The following EYA2 variants were observed in gnomAD, a reference collection of about 807,000 sequenced individuals.
The protein encoded by EYA2 is EYA transcriptional coactivator and phosphatase 2.
Under a neutral mutation model 69.2 loss-of-function variants are expected in EYA2, and 31 were observed. That is an observed-to-expected ratio of 0.45 (90% CI 0.34 to 0.60). EYA2 has a LOEUF of 0.60. Among genes scored for constraint, EYA2 ranks in the 20% least tolerant of loss-of-function variants. The pLI is 0.02. For synonymous variants in EYA2, 257 were observed against 279.4 expected (o/e 0.92, Z 0.80); for missense variants, 622 against 701.2 (o/e 0.89, Z 1.28).
intron 9 of EYA2, among the ~76,000 whole-genome samples, chr20:47,135,009 C>T (rs1600733064): frequency 6.6e-6 from 1 of 151,836 alleles, no homozygotes; most frequent in Non-Finnish European, 1.5e-5. Flanking sequence ...CACCTGTAGT[C>T]CCAGCTACTT....
intron 5 of EYA2, among the ~76,000 whole-genome samples, chr20:47,036,598 G>A (rs1480478398): frequency 2.0e-5 from 3 of 152,156 alleles, no homozygotes; most frequent in Non-Finnish European, 4.4e-5. Context: ...AGGATATTTT[G>A]GGAAATGCAT....
rs369329409 is a variant in EYA2, at chr20:47,099,919, A to AG, written c.888+2754dup. Among the ~76,000 whole-genome samples the AG allele has an allele frequency of 1.3e-3, 198 of 152,308 alleles. 1 individual carries two copies. Among genetic ancestry groups the AG allele is most frequent in the African/African-American group, 4.7e-3 (194 of 41,564 alleles). The stretch of plus-strand genomic sequence containing the variant: ...ATTTCCCCAACCACGCGCAGTACAC[A>AG]GGGCAGAATTGCTCAATAAATATTT... On this transcript the variant is annotated intron_variant, in intron 9 of 15. Transcript: ENST00000327619.
chr20:47,125,521 A>T (rs542301604), intron 9 of EYA2, among the ~76,000 whole-genome samples: 21 of 152,220 alleles, frequency 1.4e-4, no homozygotes, highest in Non-Finnish European at 2.1e-4. Flanking sequence ...TCTAAAAAAA[A>T]TTTTTTTAAA....
intron 1 of EYA2, among the ~76,000 whole-genome samples, chr20:46,907,498 T>G (rs1437053750): frequency 6.6e-6 from 1 of 151,820 alleles, no homozygotes; most frequent in East Asian, 1.9e-4. Context: ...TCAAGACGAG[T>G]GAGGGATCTT....
At chr20:47,168,317 G>A (rs3091596) in intron 10 of EYA2, among the ~76,000 whole-genome samples, 21,166 of 151,804 alleles carry the variant, frequency 0.14, 1,524 homozygotes, top group Middle Eastern at 0.17. Flanking sequence ...TCAGCCTCCC[G>A]AGTAGCTGGG....
intron 1 of EYA2, among the ~76,000 whole-genome samples, chr20:46,926,672 A>G (rs990653904): frequency 4.6e-5 from 7 of 152,238 alleles, no homozygotes; most frequent in African/African-American, 1.7e-4. Context: ...CCTGTGGCCA[A>G]TCAAGCTGAC....
chr20:47,133,726 G>A (rs1418099389), intron 9 of EYA2, among the ~76,000 whole-genome samples: 1 of 152,190 alleles, frequency 6.6e-6, no homozygotes, highest in Non-Finnish European at 1.5e-5. Flanking sequence ...TCTCCCAGGG[G>A]AGCACGGACA....
chr20:47,177,658 A>T (rs1015491017), intron 12 of EYA2, among the ~76,000 whole-genome samples: 2 of 152,258 alleles, frequency 1.3e-5, no homozygotes, highest in Non-Finnish European at 2.9e-5. Flanking sequence ...TCCAGATGAC[A>T]TAAGGCCCAG....
intron 10 of EYA2, among the ~76,000 whole-genome samples, chr20:47,163,854 C>T (rs900737553): frequency 6.6e-6 from 1 of 152,092 alleles, no homozygotes; most frequent in African/African-American, 2.4e-5. Context: ...GACATTTTTA[C>T]ACAAGGCTCT....
chr20:46,915,299 G>T (rs914375805), intron 1 of EYA2, among the ~76,000 whole-genome samples: 3 of 152,186 alleles, frequency 2.0e-5, no homozygotes, highest in African/African-American at 7.2e-5. Context: ...ACCTCAGCCG[G>T]GGAAGAGAAA....
At chr20:47,152,318 A>G (rs1403306332) in intron 10 of EYA2, among the ~76,000 whole-genome samples, 1 of 150,970 alleles carries the variant, frequency 6.6e-6, no homozygotes, top group Non-Finnish European at 1.5e-5. Flanking sequence ...TACCACCTGT[A>G]TTGTGAATTA....
At chr20:47,140,923 A>G (rs1177866098) in intron 9 of EYA2, among the ~76,000 whole-genome samples, 1 of 152,150 alleles carries the variant, frequency 6.6e-6, no homozygotes, top group Non-Finnish European at 1.5e-5. Flanking sequence ...ACATGGGGAG[A>G]GAGGAAGTCA....
intron 14 of EYA2, among the ~76,000 whole-genome samples, chr20:47,181,173 A>G (rs73913540): frequency 6.6e-6 from 1 of 152,330 alleles, no homozygotes; most frequent in African/African-American, 2.4e-5. Flanking sequence ...AGATACAGGC[A>G]AAGCTGCTGT....
chr20:46,917,861 G>A (rs138934088), intron 1 of EYA2, among the ~76,000 whole-genome samples: 411 of 152,318 alleles, frequency 2.7e-3, no homozygotes, highest in African/African-American at 8.9e-3. Flanking sequence ...TGATCAGGGC[G>A]GTGGTTGCTG....
intron 9 of EYA2, among the ~76,000 whole-genome samples, chr20:47,097,917 C>T (rs2146520040): frequency 6.6e-6 from 1 of 152,302 alleles, no homozygotes; most frequent in Non-Finnish European, 1.5e-5. Flanking sequence ...TTTTCATCTC[C>T]TCAGAGGTGA....
At chr20:47,029,266 G>A (rs566906311) in intron 5 of EYA2, among the ~76,000 whole-genome samples, 24 of 152,372 alleles carry the variant, frequency 1.6e-4, no homozygotes, top group South Asian at 8.3e-4. Flanking sequence ...TAATGATGGC[G>A]TGGTTTCTAG....
intron 7 of EYA2, among the ~76,000 whole-genome samples, chr20:47,079,611 G>A (rs559909755): frequency 6.6e-6 from 1 of 152,256 alleles, no homozygotes; most frequent in South Asian, 2.1e-4. Flanking sequence ...TTTTAAAAAA[G>A]AATATTTATT....
At chr20:47,067,761 TTTTC>T (rs1338038625) in intron 5 of EYA2, among the ~76,000 whole-genome samples, 5 of 152,204 alleles carry the variant, frequency 3.3e-5, no homozygotes, top group Non-Finnish European at 1.5e-5. Flanking sequence ...TTTTTTATCC[TTTTC>T]TTTCTATGAG....
At chr20:47,080,809 C>T (rs2031686273) in intron 7 of EYA2, among the ~76,000 whole-genome samples, 1 of 152,154 alleles carries the variant, frequency 6.6e-6, no homozygotes, top group Non-Finnish European at 1.5e-5. Context: ...CGAACTGCCA[C>T]TTTCTTAAAA....
Sources: gnomAD v4.1 joint callset for allele counts (sites outside exome capture counted in the v4.1 genomes callset) on GRCh38, gnomAD v4.1.1 for gene constraint, MANE v1.5 for transcripts, NCBI Gene and HGNC (gene_info 2026-07-23, HGNC 2026-07-21) for gene names.